PPP2R2B: variants seen among roughly 807,000 people sequenced by gnomAD.
PPP2R2B encodes the protein serine/threonine-protein phosphatase 2A 55 kDa regulatory subunit B beta isoform.
Under a neutral mutation model 46.0 loss-of-function variants are expected in PPP2R2B, and 5 were observed. The ratio of observed to expected loss-of-function variants is 0.11; its 90% confidence interval spans 0.06 to 0.23. The LOEUF (loss-of-function observed/expected upper bound fraction) is 0.23. Among genes scored for constraint, PPP2R2B ranks in the 10% least tolerant of loss-of-function variants. The probability of loss-of-function intolerance (pLI) is 1.00; values close to 1 mark genes in which losing one functional copy is unlikely to be tolerated. For missense variants in PPP2R2B, 367 were observed against 575.0 expected (o/e 0.64, Z 3.70); for synonymous variants, 215 against 206.7 (o/e 1.04, Z -0.34).
At chr5:147,061,367 A>G (rs956930427) in intron 2 of PPP2R2B, among the ~76,000 whole-genome samples, 1 of 152,124 alleles carries the variant, frequency 6.6e-6, no homozygotes, top group African/African-American at 2.4e-5. Flanking sequence ...ATGAAAGACA[A>G]ATTAATGGCC....
At position 146,817,780 on chromosome 5, in the gene PPP2R2B, T is replaced by A. The variant is rs146260967; in HGVS notation, c.70+60222A>T. ...GGTATGCGCCACTTTACATCTCTCA[T>A]CTAGGCTCAGTTTCATTTCTTTGAC... On this transcript the variant is annotated intron_variant, in intron 2 of 9. Transcript: ENST00000394411. 1.9e-3 allele frequency among the ~76,000 whole-genome samples: 291 copies of A among 152,374 alleles called. 1 individual carries two copies. The highest frequency in any genetic ancestry group is 6.7e-3 in the African/African-American group (279 of 41,596).
intron 2 of PPP2R2B, among the ~76,000 whole-genome samples, chr5:146,765,253 C>T (rs76988578): frequency 5.9e-5 from 9 of 152,230 alleles, no homozygotes; most frequent in Admixed American, 3.9e-4. Context: ...AATGCTTTCA[C>T]ATCCCTTAGC....
chr5:146,691,170 C>A lies in PPP2R2B; in HGVS notation c.405G>T (p.Glu135Asp). The change falls in exon 5 of 10, where the codon GAG becomes GAT. Residue 135 changes from glutamate to aspartate, a missense_variant. By Grantham distance (45) the Glu-to-Asp change is conservative. This residue lies in a region of PPP2R2B where 361 missense variants were observed against 545.5 expected (regional missense o/e 0.66). Transcript: ENST00000394411. ...KRPEGYNLKDEEGRLRDPATI... is the reference protein window; with the variant it reads ...KRPEGYNLKDDEGRLRDPATI... ...TGGCAGGATCCCGGAGCCGGCCCTC[C>A]TCATCTTTCAGATTGTAGCCTTCTG... is the stretch of plus-strand genomic sequence containing the variant. 6.2e-7 allele frequency: 1 copy of A among 1,614,230 alleles called. No individual in the cohort carries two copies. The highest frequency in any genetic ancestry group is 8.5e-7 in the Non-Finnish European group (1 of 1,180,044).
At chr5:147,004,017 G>T (rs1196727438) in intron 1 of PPP2R2B, among the ~76,000 whole-genome samples, 1 of 151,910 alleles carries the variant, frequency 6.6e-6, no homozygotes, top group Admixed American at 6.6e-5. Flanking sequence ...TGGCAACCTT[G>T]GTGTTTTATA....
chr5:146,973,234 G>A (rs940229817), intron 1 of PPP2R2B, among the ~76,000 whole-genome samples: 6 of 151,980 alleles, frequency 3.9e-5, no homozygotes, highest in Admixed American at 6.6e-5. Flanking sequence ...TTATTTTATC[G>A]ATGTGCAATA....
intron 2 of PPP2R2B, among the ~76,000 whole-genome samples, chr5:146,807,992 G>A (rs747789306): frequency 6.6e-6 from 1 of 151,214 alleles, no homozygotes; most frequent in African/African-American, 2.4e-5. Context: ...GTAGAGACAG[G>A]GTTTCACCAT....
At chr5:146,796,247 G>A (rs1228994994) in intron 2 of PPP2R2B, among the ~76,000 whole-genome samples, 3 of 152,126 alleles carry the variant, frequency 2.0e-5, no homozygotes, top group African/African-American at 7.2e-5. Context: ...ATAGGTCCAC[G>A]TATGCTCCCA....
intron 2 of PPP2R2B, among the ~76,000 whole-genome samples, chr5:146,758,551 T>C (rs1382515977): frequency 1.3e-5 from 2 of 152,200 alleles, no homozygotes; most frequent in African/African-American, 2.4e-5. Context: ...TATATTTCAT[T>C]AGCCAATTCA....
At chr5:146,971,919 T>C (rs758569687) in intron 1 of PPP2R2B, among the ~76,000 whole-genome samples, 7 of 152,222 alleles carry the variant, frequency 4.6e-5, no homozygotes, top group Admixed American at 1.3e-4. Flanking sequence ...CATATCTCCA[T>C]GGTACACTCA....
intron 2 of PPP2R2B, among the ~76,000 whole-genome samples, chr5:146,727,122 G>C (rs1751922414): frequency 6.6e-6 from 1 of 152,020 alleles, no homozygotes; most frequent in Non-Finnish European, 1.5e-5. Flanking sequence ...TTGCTCAGCT[G>C]TATGCTGAAT....
At chr5:146,821,068 C>T (rs538576157) in intron 2 of PPP2R2B, among the ~76,000 whole-genome samples, 1 of 152,258 alleles carries the variant, frequency 6.6e-6, no homozygotes, top group Non-Finnish European at 1.5e-5. Flanking sequence ...ACCCTGGCTT[C>T]TCACCAGGTC....
rs553192542 is a variant in PPP2R2B, at chr5:146,714,502, G to A, written c.71-13360C>T. Among the ~76,000 whole-genome samples, 113 of 152,152 alleles carry A rather than the reference G, an allele frequency of 7.4e-4. 1 individual carries two copies. The highest frequency in any genetic ancestry group is 2.8e-4 in the Non-Finnish European group (19 of 67,996). On this transcript the variant is annotated intron_variant, in intron 2 of 9. Transcript: ENST00000394411. Reference sequence around the variant, plus strand: ...ATATGCTGGTGGGAAAGTTCCAACTGCCAGGAAAAAAATAACGATGAAGAA... The same window carrying A: ...ATATGCTGGTGGGAAAGTTCCAACTACCAGGAAAAAAATAACGATGAAGAA...
At chr5:147,055,919 G>T (rs187746202) in exon 1 of PPP2R2B, 15 of 1,429,920 alleles carry the variant, frequency 1.0e-5, no homozygotes, top group Non-Finnish European at 1.3e-5. Context: ...TGCCATCAGC[G>T]CCAGGAAGCA....
At chr5:146,951,348 C>CT (rs1343962652) in intron 1 of PPP2R2B, among the ~76,000 whole-genome samples, 1,961 of 150,490 alleles carry the variant, frequency 0.013, 34 homozygotes, top group African/African-American at 0.044. Context: ...TTCCTCATGC[C>CT]TTTTTTTTTT....
rs1344243405 is a variant in PPP2R2B at position 146,878,267 on chromosome 5, C to G, written c.-124-72G>C. On this transcript the variant is annotated intron_variant, in intron 1 of 9. Coordinates refer to ENST00000394411, the MANE Select transcript of PPP2R2B (RefSeq NM_181675.4). This position sits in a 1 kb window ranked among gnomAD's most constrained non-coding sequence, Gnocchi z 4.5. ...CAATGGAGCTGTCACCTCCTCCACT[C>G]GGGTTCTGCGAGGCTGCGGCGGCTC... 5 of 1,476,580 alleles carry G rather than the reference C, an allele frequency of 3.4e-6. No individual in the cohort carries two copies. Among genetic ancestry groups the G allele is most frequent in the Non-Finnish European group, 4.5e-6 (5 of 1,117,488 alleles). The allele number at this position is 1,476,580 out of a possible 1,614,324, so 91.5% of individuals were successfully genotyped here.
chr5:146,777,464 G>A (rs758963027), intron 2 of PPP2R2B, among the ~76,000 whole-genome samples: 12 of 152,064 alleles, frequency 7.9e-5, no homozygotes, highest in African/African-American at 4.8e-5. Context: ...CAGAGACTAC[G>A]GAAAGGGAGA....
chr5:146,637,169 G>A (rs1774879386), intron 7 of PPP2R2B, among the ~76,000 whole-genome samples: 1 of 152,122 alleles, frequency 6.6e-6, no homozygotes, highest in Non-Finnish European at 1.5e-5. Flanking sequence ...CCTTTCCATT[G>A]TACCCCTCAG....
At chr5:146,837,022 A>G (rs1759327761) in intron 2 of PPP2R2B, among the ~76,000 whole-genome samples, 1 of 152,368 alleles carries the variant, frequency 6.6e-6, no homozygotes, top group East Asian at 1.9e-4. Context: ...AGTGATAAAT[A>G]GTATCCTGGA....
At chr5:146,673,239 T>C (rs1777486880) in intron 5 of PPP2R2B, among the ~76,000 whole-genome samples, 1 of 152,212 alleles carries the variant, frequency 6.6e-6, no homozygotes, top group East Asian at 1.9e-4. Flanking sequence ...GAATCTATCT[T>C]ACCACAGATG....
Sources: gnomAD v4.1 joint callset for allele counts (sites outside exome capture counted in the v4.1 genomes callset) on GRCh38, gnomAD v4.1.1 for gene constraint, gnomAD v4.1.1 regional missense constraint, Gnocchi (gnomAD v3.1) non-coding constraint, MANE v1.5 for transcripts, NCBI Gene and HGNC (gene_info 2026-07-23, HGNC 2026-07-21) for gene names.